PRKCA: variants seen among roughly 807,000 people sequenced by gnomAD.
PRKCA encodes protein kinase C alpha.
In PRKCA, 27 loss-of-function variants were observed where a neutral mutation model predicts 87.0. The ratio of observed to expected loss-of-function variants is 0.31; its 90% CI spans 0.23 to 0.43. The LOEUF (loss-of-function observed/expected upper bound fraction) is 0.43, where lower values mean the gene tolerates loss of function less well. Ranked by LOEUF, PRKCA falls within the 20% of genes least tolerant of loss-of-function variation. The pLI, the probability that PRKCA is intolerant of heterozygous loss-of-function variation, is 1.00. For synonymous variants in PRKCA, 329 were observed against 311.1 expected (o/e 1.06, Z -0.61); for missense variants, 518 against 852.3 (o/e 0.61, Z 4.88).
At chr17:66,687,010 C>G in intron 5 of PRKCA, 101 bp from the exon 6 acceptor site, 2 of 1,100,468 alleles carry the variant, frequency 1.8e-6, no homozygotes, top group Non-Finnish European at 2.6e-6. Flanking sequence ...CCTTAAACGC[C>G]ATTCTGACGT....
intron 3 of PRKCA, among the ~76,000 whole-genome samples, chr17:66,569,168 A>T (rs1343840211): frequency 6.6e-6 from 1 of 152,226 alleles, no homozygotes; most frequent in Non-Finnish European, 1.5e-5. Flanking sequence ...AAAGGAAAAG[A>T]TTAATCAGGC....
rs185290365 is a variant in PRKCA, at chr17:66,710,578, T to C, written c.918+21531T>C. On this transcript the variant is annotated intron_variant, in intron 8 of 16. Coordinates refer to ENST00000413366, the MANE Select transcript of PRKCA (RefSeq NM_002737.3). ...CAGCCATGCTCTCCACCCTTAAGGATGCACCGCGTGTTCTGGTAGCTTGAA... is the reference window on the plus strand; with the variant it reads ...CAGCCATGCTCTCCACCCTTAAGGACGCACCGCGTGTTCTGGTAGCTTGAA... Among the ~76,000 whole-genome samples, 35 of 152,244 alleles carry C rather than the reference T, an allele frequency of 2.3e-4. No homozygotes were observed. The East Asian group carries it at 6.2e-3, about 27-fold the overall frequency.
intron 3 of PRKCA, among the ~76,000 whole-genome samples, chr17:66,565,821 C>T (rs1396834429): frequency 6.6e-6 from 1 of 152,018 alleles, no homozygotes; most frequent in African/African-American, 2.4e-5. Context: ...CCAAAAAGGC[C>T]TTGCCTGTAG....
At chr17:66,713,911 G>C (rs896663517) in intron 8 of PRKCA, among the ~76,000 whole-genome samples, 1 of 152,188 alleles carries the variant, frequency 6.6e-6, no homozygotes, top group Non-Finnish European at 1.5e-5. Context: ...TGATGGTTTG[G>C]GTGGGGGCAG....
At chr17:66,613,028 A>T (rs959589013) in intron 3 of PRKCA, among the ~76,000 whole-genome samples, 3 of 152,202 alleles carry the variant, frequency 2.0e-5, no homozygotes, top group African/African-American at 7.2e-5. Flanking sequence ...GCAAATATAT[A>T]CAAGTTGCAA....
At chr17:66,400,341 G>A (rs1910948618) in intron 2 of PRKCA, among the ~76,000 whole-genome samples, 1 of 152,138 alleles carries the variant, frequency 6.6e-6, no homozygotes, top group African/African-American at 2.4e-5. Flanking sequence ...TAGTAGAGAT[G>A]CGGTTTTGCC....
intron 2 of PRKCA, among the ~76,000 whole-genome samples, chr17:66,323,963 C>T (rs1235369236): frequency 4.6e-5 from 7 of 152,004 alleles, no homozygotes; most frequent in Admixed American, 6.6e-5. Context: ...CTAATCAAAT[C>T]GTTATAGCCA....
rs148212958 is a variant in PRKCA at position 66,437,660 on chromosome 17, A to G, written c.206-58541A>G. ...ACAATTTAGGAACAGGAAACCCTAG[A>G]GAAACCTGAGTCAGGATGCTGTGGG... On this transcript the variant is annotated intron_variant, in intron 2 of 16. Coordinates refer to ENST00000413366, the MANE Select transcript of PRKCA (RefSeq NM_002737.3). 1.9e-3 allele frequency among the ~76,000 whole-genome samples: 273 copies of G among 144,910 alleles called. 1 individual carries two copies. In the East Asian group the frequency reaches 0.02, roughly 10 times the overall value.
chr17:66,698,907 G>A (rs528127387), intron 8 of PRKCA, among the ~76,000 whole-genome samples: 52 of 152,048 alleles, frequency 3.4e-4, no homozygotes, highest in African/African-American at 1.2e-3. Context: ...TTGAACCTGG[G>A]AGGCAGAGAT....
chr17:66,724,937 A>G (rs1598898994), intron 8 of PRKCA, among the ~76,000 whole-genome samples: 3 of 152,314 alleles, frequency 2.0e-5, no homozygotes, highest in African/African-American at 7.2e-5. Context: ...AAGCTCAGAG[A>G]AAGAAAAATG....
chr17:66,663,521 G>A (rs910492926), intron 5 of PRKCA, among the ~76,000 whole-genome samples: 6 of 152,194 alleles, frequency 3.9e-5, no homozygotes, highest in African/African-American at 1.2e-4. Context: ...CGCTGCCCTC[G>A]CTAGTTCCTC....
chr17:66,453,657 G>A (rs922692775), intron 2 of PRKCA, among the ~76,000 whole-genome samples: 4 of 152,030 alleles, frequency 2.6e-5, no homozygotes, highest in African/African-American at 7.2e-5. Flanking sequence ...CTCCCTTTGC[G>A]CCGCCCTCGT....
rs748936089 is a variant in PRKCA at position 66,742,617 on chromosome 17, T to C, written c.1386-5T>C. 1.9e-6 allele frequency: 3 copies of C among 1,613,900 alleles called. No homozygotes were observed. Among genetic ancestry groups the C allele is most frequent in the Non-Finnish European group, 2.5e-6 (3 of 1,179,908 alleles). On this transcript the variant is annotated splice_region_variant and splice_polypyrimidine_tract_variant and intron_variant, in intron 12 of 16. Coordinates refer to ENST00000413366, the MANE Select transcript of PRKCA (RefSeq NM_002737.3). ...GGACTCTGATGTTAACCCGGTTCCT[T>C]GCAGGGATCTGAAGTTAGATAACGT...
Position 66,807,391 on chromosome 17 carries a change from T to C in PRKCA, c.*3354T>C, listed in dbSNP as rs1429652797. ...GGCAGCCCGTCTCTTGGCATTTCAATTGAAGGTCACCAGGTGCTGGGTTTG... is the reference window on the plus strand; with the variant it reads ...GGCAGCCCGTCTCTTGGCATTTCAACTGAAGGTCACCAGGTGCTGGGTTTG... On this transcript the variant is annotated 3_prime_UTR_variant, in exon 17 of 17. Transcript: ENST00000413366. The surrounding 1 kb of genome is among the most constrained non-coding windows in gnomAD (Gnocchi z 4.3). 1 of 152,238 alleles carries C rather than the reference T, an allele frequency of 6.6e-6. No individual in the cohort carries two copies. Among genetic ancestry groups the C allele is most frequent in the African/African-American group, 2.4e-5 (1 of 41,464 alleles). The allele number at this position is 152,238 out of a possible 1,614,324, so 9.4% of individuals were successfully genotyped here. A position where few individuals can be genotyped will look rare whatever the true frequency, so the allele number is the denominator to read the frequency against.
At chr17:66,769,198 T>A (rs1434169891) in intron 13 of PRKCA, among the ~76,000 whole-genome samples, 1 of 151,908 alleles carries the variant, frequency 6.6e-6, no homozygotes, top group African/African-American at 2.4e-5. Flanking sequence ...TCTAAAAAAA[T>A]TGTTAAAAAA....
chr17:66,624,937 A>G (rs974790822), intron 3 of PRKCA, among the ~76,000 whole-genome samples: 3 of 152,340 alleles, frequency 2.0e-5, no homozygotes, highest in South Asian at 2.1e-4. Context: ...GTAGTCATAG[A>G]AAGCTAATGG....
At chr17:66,367,836 A>G (rs922760893) in intron 2 of PRKCA, among the ~76,000 whole-genome samples, 1 of 152,212 alleles carries the variant, frequency 6.6e-6, no homozygotes, top group Non-Finnish European at 1.5e-5. Flanking sequence ...TATGCTCACA[A>G]ACCTAAAGTG....
chr17:66,377,490 T>C (rs915720209), intron 2 of PRKCA, among the ~76,000 whole-genome samples: 2 of 149,314 alleles, frequency 1.3e-5, no homozygotes, highest in African/African-American at 4.9e-5. Flanking sequence ...TGTATATATA[T>C]ACATGTATAC....
chr17:66,642,442 C>A (rs1346250793), intron 4 of PRKCA, among the ~76,000 whole-genome samples: 4 of 152,048 alleles, frequency 2.6e-5, no homozygotes, highest in African/African-American at 4.8e-5. Flanking sequence ...TTTGATCGTT[C>A]TTAAAGTATG....
Sources: allele counts gnomAD v4.1 joint callset (sites outside exome capture counted in the v4.1 genomes callset), GRCh38; gene constraint gnomAD v4.1.1; non-coding constraint Gnocchi (gnomAD v3.1); transcripts MANE v1.5; gene names NCBI Gene and HGNC (gene_info 2026-07-23, HGNC 2026-07-21).